MYT1L: variants seen among roughly 807,000 people sequenced by gnomAD.
MYT1L encodes myelin transcription factor 1-like protein.
A neutral mutation model predicts 126.7 loss-of-function variants in MYT1L; 12 were observed. The observed-to-expected ratio is 0.09, with a 90% CI of 0.06 to 0.15. MYT1L has a LOEUF of 0.15. Ranked by LOEUF, MYT1L falls within the 10% of genes least tolerant of loss-of-function variation. The probability of loss-of-function intolerance (pLI) is 1.00; values close to 1 mark genes in which losing one functional copy is unlikely to be tolerated. For synonymous variants in MYT1L, 541 were observed against 604.2 expected, an observed-to-expected ratio of 0.90 and a Z score of 1.53; for missense variants, 979 against 1,585.2, an observed-to-expected ratio of 0.62 and a Z score of 6.49.
intron 3 of MYT1L, among the ~76,000 whole-genome samples, chr2:2,132,336 C>A (rs2082480380): frequency 6.6e-6 from 1 of 152,148 alleles, no homozygotes; most frequent in Admixed American, 6.5e-5. Flanking sequence ...CCTGGATGTT[C>A]ATCAGTGATA....
At chr2:2,252,631 G>A (rs572731641) in intron 2 of MYT1L, among the ~76,000 whole-genome samples, 8 of 152,244 alleles carry the variant, frequency 5.3e-5, no homozygotes, top group South Asian at 2.1e-4. Flanking sequence ...GTAGATGGGC[G>A]GGGTGTTGAA....
At chr2:2,060,723 CCCTT>C (rs1229982384) in intron 3 of MYT1L, among the ~76,000 whole-genome samples, 2 of 121,130 alleles carry the variant, frequency 1.7e-5, no homozygotes, top group Admixed American at 9.1e-5. Flanking sequence ...CCTCCCCCCT[CCCTT>C]CCTTTTCCCT....
intron 3 of MYT1L, among the ~76,000 whole-genome samples, chr2:2,134,861 A>G (rs922312172): frequency 8.5e-5 from 13 of 152,194 alleles, no homozygotes; most frequent in African/African-American, 3.1e-4. Context: ...AAAGGAGGGC[A>G]CCACCCACCT....
At chr2:2,211,800 T>C (rs1439874159) in intron 2 of MYT1L, among the ~76,000 whole-genome samples, 2 of 115,334 alleles carry the variant, frequency 1.7e-5, no homozygotes, top group Non-Finnish European at 3.4e-5. Flanking sequence ...AGAGACTCCA[T>C]GTCAAAAAAA....
intron 18 of MYT1L, among the ~76,000 whole-genome samples, chr2:1,879,371 C>T (rs776287110): frequency 2.0e-5 from 3 of 152,210 alleles, no homozygotes; most frequent in Admixed American, 6.5e-5. Flanking sequence ...TCTGACTAGA[C>T]TCTCCCATCA....
intron 1 of MYT1L, among the ~76,000 whole-genome samples, chr2:2,301,051 AC>A (rs1344978245): frequency 6.6e-6 from 1 of 152,002 alleles, no homozygotes; most frequent in East Asian, 1.9e-4. Flanking sequence ...GTAAACCCAG[AC>A]CTTTTGCTCT....
At chr2:1,893,415 T>C (rs1232863097) in intron 14 of MYT1L, among the ~76,000 whole-genome samples, 4 of 152,096 alleles carry the variant, frequency 2.6e-5, no homozygotes, top group African/African-American at 9.7e-5. Flanking sequence ...AGCACCTTCT[T>C]CCCCAAGAGA....
intron 4 of MYT1L, among the ~76,000 whole-genome samples, chr2:2,011,979 G>T (rs1402920548): frequency 6.6e-6 from 1 of 152,196 alleles, no homozygotes; most frequent in African/African-American, 2.4e-5. Context: ...CTACGTTGCT[G>T]GTGAGAATGT....
At chr2:2,030,104 T>A (rs765667136) in intron 4 of MYT1L, among the ~76,000 whole-genome samples, 3 of 152,102 alleles carry the variant, frequency 2.0e-5, no homozygotes, top group Non-Finnish European at 2.9e-5. Context: ...TTGTTTAGTT[T>A]GTTTGTTTTT....
chr2:1,957,819 A>G (rs1280227522), intron 8 of MYT1L, among the ~76,000 whole-genome samples: 1 of 152,168 alleles, frequency 6.6e-6, no homozygotes, highest in Non-Finnish European at 1.5e-5. Flanking sequence ...ACCAGAGAAA[A>G]ATCATCCTGC....
At chr2:2,171,509 G>T (rs917607511) in intron 3 of MYT1L, among the ~76,000 whole-genome samples, 1 of 152,164 alleles carries the variant, frequency 6.6e-6, no homozygotes, top group Non-Finnish European at 1.5e-5. Context: ...AGATAAACAA[G>T]ATAGCTTGGA....
At chr2:1,957,246 A>C (rs557793444) in intron 8 of MYT1L, among the ~76,000 whole-genome samples, 153 of 151,914 alleles carry the variant, frequency 1.0e-3, no homozygotes, top group Non-Finnish European at 1.9e-3. Flanking sequence ...CCATCCATCT[A>C]CTCTGTTATC....
chr2:2,153,448 A>G (rs1056954015), intron 3 of MYT1L, among the ~76,000 whole-genome samples: 1 of 152,172 alleles, frequency 6.6e-6, no homozygotes, highest in Admixed American at 6.5e-5. Context: ...CCCTCTGCAC[A>G]CACACAGGTG....
chr2:2,125,803 A>G (rs1488778808), intron 3 of MYT1L, among the ~76,000 whole-genome samples: 1 of 152,226 alleles, frequency 6.6e-6, no homozygotes, highest in African/African-American at 2.4e-5. Flanking sequence ...CATTAATATC[A>G]TCAACCTAAA....
intron 3 of MYT1L, among the ~76,000 whole-genome samples, chr2:2,107,910 A>G (rs909721440): frequency 3.3e-5 from 5 of 152,164 alleles, no homozygotes; most frequent in African/African-American, 9.7e-5. Flanking sequence ...GCTTGTTCTG[A>G]AACACGGTGC....
At chr2:2,322,602 A>T (rs1276563485) in intron 1 of MYT1L, among the ~76,000 whole-genome samples, 1 of 152,186 alleles carries the variant, frequency 6.6e-6, no homozygotes, top group South Asian at 2.1e-4. Flanking sequence ...CTAAAAAAAA[A>T]AAAACAAAAT....
intron 9 of MYT1L, among the ~76,000 whole-genome samples, chr2:1,926,030 G>C (rs1448788773): frequency 1.3e-5 from 2 of 152,184 alleles, no homozygotes; most frequent in South Asian, 2.1e-4. Flanking sequence ...GCAGTGGAAA[G>C]CATATTGGCA....
At chr2:2,285,392 T>C (rs1270802674) in intron 1 of MYT1L, among the ~76,000 whole-genome samples, 5 of 152,182 alleles carry the variant, frequency 3.3e-5, no homozygotes, top group Admixed American at 3.3e-4. Flanking sequence ...TTCCCATATT[T>C]CCTATTTCCT....
Position 1,943,246 on chromosome 2 carries a change from T to C in MYT1L, c.241A>G (p.Lys81Glu). 1 of 1,555,634 alleles carries C rather than the reference T, an allele frequency of 6.4e-7. No homozygotes were observed. Among genetic ancestry groups the C allele is most frequent in the Non-Finnish European group, 8.7e-7 (1 of 1,148,908 alleles). ...TCATCCACTGAGGAGCTGTCTGCTT[T>C]CACGGCAAATGGCTTTCGTTTAGGA... ...PAPKRKPFAV[K>E]ADSSSVDECD... The change falls in exon 9 of 25, where the codon AAA becomes GAA. Residue 81 changes from lysine (K) to glutamate (E), a missense_variant. Transcript: ENST00000647738. This position sits in a 1 kb window ranked among gnomAD's most constrained non-coding sequence, Gnocchi z 4.4.
Sources: allele counts gnomAD v4.1 joint callset (sites outside exome capture counted in the v4.1 genomes callset), GRCh38; gene constraint gnomAD v4.1.1; non-coding constraint Gnocchi (gnomAD v3.1); transcripts MANE v1.5; gene names NCBI Gene and HGNC (gene_info 2026-07-23, HGNC 2026-07-21).